ANO3: variants seen among roughly 807,000 people sequenced by gnomAD.
ANO3 encodes the protein anoctamin 3.
Under a neutral mutation model 144.8 loss-of-function variants are expected in ANO3, and 99 were observed. The ratio of observed to expected loss-of-function variants is 0.68; its 90% CI spans 0.58 to 0.81. The LOEUF (loss-of-function observed/expected upper bound fraction) is 0.81. Among genes scored for constraint, ANO3 ranks in the 30% least tolerant of loss-of-function variants. ANO3 has a pLI of 0.00. For synonymous variants in ANO3, 414 were observed against 392.6 expected, an observed-to-expected ratio of 1.05 and a Z score of -0.64; for missense variants, 905 against 1,202.2, an observed-to-expected ratio of 0.75 and a Z score of 3.66.
At chr11:26,385,836 C>T (rs1856712208) in intron 1 of ANO3, among the ~76,000 whole-genome samples, 1 of 151,286 alleles carries the variant, frequency 6.6e-6, no homozygotes, top group East Asian at 1.9e-4. Context: ...CACACACACA[C>T]ACACACACAC....
chr11:26,617,588 T>G (rs140538669), intron 17 of ANO3, among the ~76,000 whole-genome samples: 1 of 152,208 alleles, frequency 6.6e-6, no homozygotes, highest in East Asian at 1.9e-4. Context: ...CTACCTCCTG[T>G]TTTTCTAAAT....
intron 4 of ANO3, among the ~76,000 whole-genome samples, chr11:26,479,416 G>A (rs957496744): frequency 1.3e-5 from 2 of 152,148 alleles, no homozygotes; most frequent in African/African-American, 4.8e-5. Context: ...AACTTATAAA[G>A]GAAAGAGGTT....
chr11:26,576,687 A>T (rs1341396946), intron 14 of ANO3, among the ~76,000 whole-genome samples: 1 of 152,112 alleles, frequency 6.6e-6, no homozygotes. Context: ...TTGCCATCTA[A>T]CATACTGTAT....
At chr11:26,297,715 G>T (rs1043081897) in intron 1 of ANO3, among the ~76,000 whole-genome samples, 1 of 152,100 alleles carries the variant, frequency 6.6e-6, no homozygotes, top group Non-Finnish European at 1.5e-5. Context: ...AAAGGGAAAG[G>T]CAATAATTCT....
intron 14 of ANO3, chr11:26,561,228 A>G (rs779331577): frequency 1.3e-6 from 2 of 1,597,402 alleles, no homozygotes; most frequent in Admixed American, 1.7e-5. Context: ...TCGCAGAACT[A>G]AAAAAGTAAC....
At chr11:26,547,272 G>A (rs1371016302) in intron 11 of ANO3, 144 bp from the exon 12 acceptor site, 2 of 749,970 alleles carry the variant, frequency 2.7e-6, no homozygotes, top group East Asian at 2.5e-5. Context: ...ACAAGCAGGA[G>A]TATTAGATAC....
chr11:26,539,296 C>T (rs758002366), intron 10 of ANO3, among the ~76,000 whole-genome samples: 3 of 151,914 alleles, frequency 2.0e-5, no homozygotes, highest in African/African-American at 7.3e-5. Flanking sequence ...ACTGAGTGTA[C>T]GTAATACTTC....
chr11:26,335,639 G>T (rs892941159), intron 1 of ANO3, among the ~76,000 whole-genome samples: 4 of 152,082 alleles, frequency 2.6e-5, no homozygotes, highest in Admixed American at 2.6e-4. Flanking sequence ...TTTATTTACT[G>T]TCCACTCTTA....
At chr11:26,233,076 G>A (rs1852436992) in intron 1 of ANO3, among the ~76,000 whole-genome samples, 1 of 152,036 alleles carries the variant, frequency 6.6e-6, no homozygotes, top group Non-Finnish European at 1.5e-5. Flanking sequence ...AATTAGCCAG[G>A]CCTGGTGGCG....
At chr11:26,272,474 C>T (rs369249317) in intron 1 of ANO3, among the ~76,000 whole-genome samples, 2 of 152,000 alleles carry the variant, frequency 1.3e-5, no homozygotes, top group Non-Finnish European at 2.9e-5. Context: ...ACTGCAGATA[C>T]GGTATAAGAA....
At chr11:26,652,617 A>C (rs1853568601) in intron 24 of ANO3, among the ~76,000 whole-genome samples, 1 of 152,146 alleles carries the variant, frequency 6.6e-6, no homozygotes, top group African/African-American at 2.4e-5. Context: ...TCACATTAAC[A>C]TTGAAACATG....
At chr11:26,448,184 A>G (rs1858775581) in intron 3 of ANO3, among the ~76,000 whole-genome samples, 1 of 152,090 alleles carries the variant, frequency 6.6e-6, no homozygotes, top group African/African-American at 2.4e-5. Flanking sequence ...CTGTAATCCC[A>G]GCTACTAGGG....
chr11:26,411,890 A>G (rs1042422536), intron 1 of ANO3, among the ~76,000 whole-genome samples: 1 of 151,972 alleles, frequency 6.6e-6, no homozygotes, highest in Non-Finnish European at 1.5e-5. Flanking sequence ...TTATAACTCC[A>G]TATCTTCCAT....
At chr11:26,361,517 A>G (rs1400422923) in intron 1 of ANO3, among the ~76,000 whole-genome samples, 2 of 152,158 alleles carry the variant, frequency 1.3e-5, no homozygotes, top group Admixed American at 1.3e-4. Flanking sequence ...CTTCCCTCTT[A>G]TGAGTCTCAG....
At chr11:26,235,470 G>A (rs376909594) in intron 1 of ANO3, among the ~76,000 whole-genome samples, 1 of 151,754 alleles carries the variant, frequency 6.6e-6, no homozygotes, top group East Asian at 1.9e-4. Flanking sequence ...CTGACATTGA[G>A]AAATTTCATT....
chr11:26,229,514 G>A (rs1431054386), intron 1 of ANO3, among the ~76,000 whole-genome samples: 2 of 152,148 alleles, frequency 1.3e-5, no homozygotes, highest in African/African-American at 2.4e-5. Context: ...AAAGTATGAC[G>A]TAAATGCTAT....
rs1157822217 is a variant in ANO3, at chr11:26,619,570, T to G, written c.1837-4892T>G. ...CTCACAGCAACCTCTGCCTCCCATA[T>G]TCAAGCTATTCTCATTACCTCAGCC... On this transcript the variant is annotated intron_variant, in intron 17 of 26. Transcript: ENST00000256737. 4.6e-5 allele frequency among the ~76,000 whole-genome samples: 7 copies of G among 152,224 alleles called. No homozygotes were observed. The East Asian group carries it at 7.7e-4, about 17-fold the overall frequency.
At chr11:26,532,066 G>A (rs1280358421) in intron 8 of ANO3, among the ~76,000 whole-genome samples, 22 of 152,204 alleles carry the variant, frequency 1.4e-4, no homozygotes, top group Admixed American at 1.4e-3. Context: ...GGCCTACGTT[G>A]CTATAGGCCA....
chr11:26,268,010 G>A (rs953497012), intron 1 of ANO3, among the ~76,000 whole-genome samples: 5 of 152,168 alleles, frequency 3.3e-5, no homozygotes, highest in Admixed American at 3.3e-4. Flanking sequence ...AAGATAAACA[G>A]GAATCACTGC....
Sources: gnomAD v4.1 joint callset for allele counts (sites outside exome capture counted in the v4.1 genomes callset) on GRCh38, gnomAD v4.1.1 for gene constraint, MANE v1.5 for transcripts, NCBI Gene and HGNC (gene_info 2026-07-23, HGNC 2026-07-21) for gene names.